Variants in JPH2 observed in about 807,000 individuals in gnomAD.
The protein encoded by JPH2 is junctophilin 2.
A neutral mutation model predicts 55.9 loss-of-function variants in JPH2; 38 were observed. That is an observed-to-expected ratio of 0.68 (90% CI 0.52 to 0.89). The LOEUF is 0.89. Among genes scored for constraint, JPH2 ranks in the 40% least tolerant of loss-of-function variants. The pLI is 0.00. For missense variants in JPH2, 964 were observed against 1,037.6 expected, an observed-to-expected ratio of 0.93 and a Z score of 0.97; for synonymous variants, 480 against 472.4, an observed-to-expected ratio of 1.02 and a Z score of -0.21.
At position 44,148,790 on chromosome 20, in the gene JPH2, G is replaced by A. The variant is rs1038948007; in HGVS notation, c.1169+10828C>T. On this transcript the variant is annotated intron_variant, in intron 2 of 5. Transcript: ENST00000372980. ...TAAAAAAATCAACAATCGGCCGGGC[G>A]TGGTGGCTCACGCCTGTAATCCCAG... 7.9e-5 allele frequency among the ~76,000 whole-genome samples: 12 copies of A among 152,194 alleles called. 1 individual carries two copies. The highest frequency in any genetic ancestry group is 2.6e-4 in the Admixed American group (4 of 15,292).
At position 44,185,808 on chromosome 20, in the gene JPH2, T is replaced by TGGGC. The variant is rs147467125; in HGVS notation, c.379+515_379+518dup. 1.6e-3 allele frequency among the ~76,000 whole-genome samples: 241 copies of TGGGC among 151,440 alleles called. 8 individuals are homozygous for TGGGC. In the East Asian group the frequency reaches 0.043, roughly 27 times the overall value. On this transcript the variant is annotated intron_variant, in intron 1 of 5. Coordinates refer to ENST00000372980, the MANE Select transcript of JPH2 (RefSeq NM_020433.5). ...ATGCGTGGGTGGGTAGATGGATGGA[T>TGGGC]GGGCAGGCAGGTGGGTGGATGGATG... is the stretch of plus-strand genomic sequence containing the variant.
chr20:44,123,050 C>T (rs1201416849), intron 2 of JPH2, among the ~76,000 whole-genome samples: 1 of 152,162 alleles, frequency 6.6e-6, no homozygotes, highest in Admixed American at 6.5e-5. Flanking sequence ...TCCCCACAGC[C>T]CTGGAAGATT....
intron 3 of JPH2, among the ~76,000 whole-genome samples, chr20:44,116,694 G>A (rs1362597257): frequency 6.6e-6 from 1 of 152,214 alleles, no homozygotes; most frequent in Non-Finnish European, 1.5e-5. Flanking sequence ...TGGCTCCAGA[G>A]GCGATGCCCT....
intron 2 of JPH2, among the ~76,000 whole-genome samples, chr20:44,136,000 T>TA (rs2072410716): frequency 6.6e-6 from 1 of 152,178 alleles, no homozygotes; most frequent in Admixed American, 6.5e-5. Context: ...ATACTATCAT[T>TA]ATCACCCTCA....
At chr20:44,144,313 C>T (rs1342634303) in intron 2 of JPH2, among the ~76,000 whole-genome samples, 2 of 152,090 alleles carry the variant, frequency 1.3e-5, no homozygotes, top group South Asian at 2.1e-4. Context: ...TCTCGGGCTC[C>T]GGGTAAGAAC....
chr20:44,129,891 GC>G (rs1162039169), intron 2 of JPH2, among the ~76,000 whole-genome samples: 2 of 152,112 alleles, frequency 1.3e-5, no homozygotes, highest in East Asian at 3.9e-4. Context: ...AGAGGAAGGT[GC>G]CATAAGCTCA....
intron 4 of JPH2, among the ~76,000 whole-genome samples, 175 bp downstream of exon 4, chr20:44,115,490 C>T (rs545148332): frequency 5.3e-5 from 8 of 152,334 alleles, no homozygotes; most frequent in Non-Finnish European, 8.8e-5. Context: ...CCTCTGTGGA[C>T]CAAGCCAAGG....
intron 2 of JPH2, among the ~76,000 whole-genome samples, chr20:44,127,546 C>A (rs1031890554): frequency 6.7e-6 from 1 of 149,588 alleles, no homozygotes; most frequent in South Asian, 2.1e-4. Flanking sequence ...AGTGCAGTGG[C>A]GCAATCTCAG....
chr20:44,118,808 G>C lies in JPH2; in HGVS notation c.1170-185C>G, dbSNP rs150057449. Among the ~76,000 whole-genome samples the C allele has an allele frequency of 1.7e-3, 257 of 152,302 alleles. 2 individuals are homozygous for C. The Middle Eastern group carries it at 0.051, about 30-fold the overall frequency. ...CTCCAGATCATTTCTTCTTCTTTCT[G>C]AGCACTTAGATAGACTACCTTTCCC... On this transcript the variant is annotated intron_variant, in intron 2 of 5. Transcript: ENST00000372980.
rs775637494 is a variant in JPH2 at position 44,159,756 on chromosome 20, T to C, written c.1031A>G (p.Asn344Ser). ...GHREEGKYRH[N>S]VLVKDTKRRM... ...GCGCTTGGTGTCCTTGACCAGCACG[T>C]TGTGGCGGTACTTGCCCTCCTCGCG... Residue 344 changes from asparagine (N) to serine (S), a missense_variant, in exon 2 of 6, where the codon AAC (asparagine) becomes AGC (serine). By Grantham distance (46) the Asn-to-Ser change is conservative. Coordinates refer to ENST00000372980, the MANE Select transcript of JPH2 (RefSeq NM_020433.5). This position sits in a 1 kb window ranked among gnomAD's most constrained non-coding sequence, Gnocchi z 5.7. The C allele has an allele frequency of 6.2e-7, 1 of 1,613,744 alleles. No homozygotes were observed. The highest frequency in any genetic ancestry group is 1.1e-5 in the South Asian group (1 of 91,090).
intron 2 of JPH2, among the ~76,000 whole-genome samples, chr20:44,152,154 G>A (rs1253306428): frequency 6.6e-6 from 1 of 152,232 alleles, no homozygotes; most frequent in Non-Finnish European, 1.5e-5. Flanking sequence ...GCACAAGCCT[G>A]GCACAGGGTA....
chr20:44,162,052 G>A (rs1026147101), intron 1 of JPH2, among the ~76,000 whole-genome samples: 7 of 152,266 alleles, frequency 4.6e-5, no homozygotes, highest in Admixed American at 2.0e-4. Flanking sequence ...GCAGTTCTCT[G>A]CCTTCGTCTT....
At chr20:44,158,578 T>C (rs1251898332) in intron 2 of JPH2, among the ~76,000 whole-genome samples, 1 of 152,208 alleles carries the variant, frequency 6.6e-6, no homozygotes, top group African/African-American at 2.4e-5. Context: ...GTAGGTGCCA[T>C]AAATGTTTGG....
chr20:44,113,661 G>A (rs549187622), intron 5 of JPH2, among the ~76,000 whole-genome samples, 158 bp from the exon 6 acceptor site: 4 of 152,254 alleles, frequency 2.6e-5, no homozygotes, highest in South Asian at 2.1e-4. Flanking sequence ...TCTGATACTC[G>A]GCAGGTCACA....
chr20:44,126,561 G>C (rs998058863), intron 2 of JPH2, among the ~76,000 whole-genome samples: 1 of 152,126 alleles, frequency 6.6e-6, no homozygotes, highest in African/African-American at 2.4e-5. Flanking sequence ...GGCTAATCTA[G>C]AGGAAGGACC....
rs149035286 is a variant in JPH2 at position 44,149,962 on chromosome 20, GGAAAAAAA to G, written c.1169+9648_1169+9655del. 8.1e-3 allele frequency among the ~76,000 whole-genome samples: 945 copies of G among 116,754 alleles called. 16 individuals carry two copies. The highest frequency in any genetic ancestry group is 0.026 in the African/African-American group (855 of 33,312). 76.6% of individuals were successfully genotyped at this position (116,754 alleles called of 152,430 possible). A position where few individuals can be genotyped will look rare whatever the true frequency, so the allele number is the denominator to read the frequency against. On this transcript the variant is annotated intron_variant, in intron 2 of 5. Coordinates refer to ENST00000372980, the MANE Select transcript of JPH2 (RefSeq NM_020433.5). ...ACTGCACTCCAGCCTGGGCGACAGA[GGAAAAAAA>G]AAAAAAAAAAAAAAAAAAGAATTGG... is the stretch of plus-strand genomic sequence containing the variant.
At position 44,110,979 on chromosome 20, in the gene JPH2, C is replaced by T. The variant is rs6031390; in HGVS notation, c.*2539G>A. Among the ~76,000 whole-genome samples, 64,408 of 152,034 alleles carry T rather than the reference C, an allele frequency of 0.42. 14,042 individuals are homozygous for T. The highest frequency in any genetic ancestry group is 0.53 in the African/African-American group (22,012 of 41,458). On this transcript the variant is annotated 3_prime_UTR_variant, in exon 6 of 6. Transcript: ENST00000372980. Reference sequence around the variant, plus strand: ...TGGTTGAGGGACCTTCTTCTCCAACCCCCTCGCTGGGAACCACCGGCTGTG... The same window carrying T: ...TGGTTGAGGGACCTTCTTCTCCAACTCCCTCGCTGGGAACCACCGGCTGTG...
Position 44,159,658 on chromosome 20 carries a change from C to T in JPH2, c.1129G>A (p.Ala377Thr), listed in dbSNP as rs774653018. The T allele has an allele frequency of 1.9e-6, 3 of 1,609,486 alleles. No individual in the cohort carries two copies. The highest frequency in any genetic ancestry group is 1.1e-5 in the South Asian group (1 of 91,062). The change falls in exon 2 of 6, where the codon GCT becomes ACT. Residue 377 changes from alanine to threonine, a missense_variant. Transcript: ENST00000372980. This position sits in a 1 kb window ranked among gnomAD's most constrained non-coding sequence, Gnocchi z 5.7. ...EHSVEGAQRAAAIARQKAEIA... is the reference protein window; with the variant it reads ...EHSVEGAQRATAIARQKAEIA... ...TCGGCCTTCTGGCGCGCGATAGCAG[C>T]GGCGCGCTGGGCACCCTCCACACTG...
chr20:44,115,650 G>A lies in JPH2; in HGVS notation c.2010+15C>T, dbSNP rs768116138. 6.2e-7 allele frequency: 1 copy of A among 1,611,784 alleles called. No homozygotes were observed. Among genetic ancestry groups the A allele is most frequent in the Admixed American group, 1.7e-5 (1 of 59,988 alleles). ...GGGAACCCGACCTTAGGCACACCTT[G>A]CCCGACAGCCTCACCTCTTCCACCT... On this transcript the variant is annotated intron_variant, in intron 4 of 5. Transcript: ENST00000372980.
Sources: allele counts gnomAD v4.1 joint callset (sites outside exome capture counted in the v4.1 genomes callset), GRCh38; gene constraint gnomAD v4.1.1; non-coding constraint Gnocchi (gnomAD v3.1); transcripts MANE v1.5; gene names NCBI Gene and HGNC (gene_info 2026-07-23, HGNC 2026-07-21).